Variants in C4BPA observed in about 807,000 individuals in gnomAD.
The protein encoded by C4BPA is complement component 4 binding protein alpha, also known as C4b-binding protein alpha chain.
In C4BPA, 31 loss-of-function variants were observed where a neutral mutation model predicts 63.7. The ratio of observed to expected loss-of-function variants is 0.49; its 90% CI spans 0.37 to 0.66. The LOEUF is 0.66. Ranked by LOEUF, C4BPA falls within the 30% of genes least tolerant of loss-of-function variation. The pLI is 0.00. For missense variants in C4BPA, 572 were observed against 723.3 expected, an observed-to-expected ratio of 0.79 and a Z score of 2.40; for synonymous variants, 259 against 254.7, an observed-to-expected ratio of 1.02 and a Z score of -0.16.
At chr1:207,124,627 A>G (rs138260601) in intron 6 of C4BPA, among the ~76,000 whole-genome samples, 2 of 152,280 alleles carry the variant, frequency 1.3e-5, no homozygotes, top group Non-Finnish European at 2.9e-5. Flanking sequence ...TGGTGAAGTA[A>G]AAGTTTATTC....
intron 10 of C4BPA, among the ~76,000 whole-genome samples, chr1:207,141,481 A>G (rs1231187479): frequency 1.3e-5 from 2 of 152,186 alleles, no homozygotes; most frequent in African/African-American, 4.8e-5. Flanking sequence ...CTTTCTCCCA[A>G]TCACAAAATT....
intron 2 of C4BPA, 91 bp from the exon 3 acceptor site, chr1:207,114,009 G>T: frequency 9.2e-7 from 1 of 1,087,630 alleles, no homozygotes; most frequent in South Asian, 1.6e-5. Flanking sequence ...TGAAAAGAAC[G>T]ATCCCTGCTC....
At chr1:207,112,792 G>A (rs2102330554) in intron 1 of C4BPA, 1 of 472,444 alleles carries the variant, frequency 2.1e-6, no homozygotes, top group Middle Eastern at 5.3e-4. Flanking sequence ...CCCTCCACTT[G>A]GAATCAATCT....
chr1:207,137,572 T>C (rs1335175519), intron 9 of C4BPA, among the ~76,000 whole-genome samples: 1 of 151,510 alleles, frequency 6.6e-6, no homozygotes, highest in Non-Finnish European at 1.5e-5. Context: ...TGGTTTATGA[T>C]AAGGGGTTGT....
chr1:207,105,946 T>C (rs2102325035), intron 1 of C4BPA, among the ~76,000 whole-genome samples: 1 of 152,362 alleles, frequency 6.6e-6, no homozygotes, highest in Non-Finnish European at 1.5e-5. Flanking sequence ...CCTTGAAATA[T>C]GAAAGTTGGC....
At chr1:207,138,348 T>C (rs1314087966) in intron 9 of C4BPA, among the ~76,000 whole-genome samples, 1 of 152,334 alleles carries the variant, frequency 6.6e-6, no homozygotes, top group Admixed American at 6.5e-5. Context: ...TGCCTGCTTA[T>C]AACCTGATGG....
chr1:207,136,902 C>A (rs1050723415), intron 9 of C4BPA, among the ~76,000 whole-genome samples: 2 of 152,172 alleles, frequency 1.3e-5, no homozygotes, highest in African/African-American at 4.8e-5. Context: ...TGCAGTGGAC[C>A]TGAATACTAA....
At chr1:207,133,911 A>T (rs1191983431) in intron 8 of C4BPA, among the ~76,000 whole-genome samples, 1 of 152,234 alleles carries the variant, frequency 6.6e-6, no homozygotes, top group Non-Finnish European at 1.5e-5. Flanking sequence ...AGTATAAGTT[A>T]ATAGAGAGTT....
In C4BPA at chr1:207,131,529, T is replaced by A; in HGVS notation, c.890-17T>A. The A allele has an allele frequency of 6.4e-7, 1 of 1,574,620 alleles. No homozygotes were observed. The highest frequency in any genetic ancestry group is 8.7e-7 in the Non-Finnish European group (1 of 1,147,604). ...AATAGCGTCCTTTTGTTCTTCTTCT[T>A]CTTCTTTCATGAGTAGATAGTTGTA... On this transcript the variant is annotated splice_polypyrimidine_tract_variant and intron_variant, in intron 7 of 11. Transcript: ENST00000367070.
chr1:207,133,218 GT>G (rs1406342008), intron 8 of C4BPA, among the ~76,000 whole-genome samples: 7 of 152,096 alleles, frequency 4.6e-5, no homozygotes, highest in African/African-American at 7.2e-5. Flanking sequence ...TATTATTGTT[GT>G]TTTAATATCC....
At chr1:207,117,104 A>G (rs753363191) in intron 4 of C4BPA, among the ~76,000 whole-genome samples, 21 of 152,164 alleles carry the variant, frequency 1.4e-4, no homozygotes, top group South Asian at 4.1e-4. Flanking sequence ...TTATTTTTCT[A>G]TAAGAACTTT....
At chr1:207,118,228 T>TATCTATCTATCTA (rs1684852216) in intron 4 of C4BPA, among the ~76,000 whole-genome samples, 1 of 151,472 alleles carries the variant, frequency 6.6e-6, no homozygotes, top group African/African-American at 2.4e-5. Context: ...TCTATCTATC[T>TATCTATCTATCTA]ATCTATCTAT....
At chr1:207,133,315 T>A (rs900556312) in intron 8 of C4BPA, among the ~76,000 whole-genome samples, 1 of 152,254 alleles carries the variant, frequency 6.6e-6, no homozygotes, top group African/African-American at 2.4e-5. Flanking sequence ...AAGACCCCAT[T>A]TTAATACTGG....
At chr1:207,106,546 A>C (rs1008561742) in intron 1 of C4BPA, among the ~76,000 whole-genome samples, 4 of 130,228 alleles carry the variant, frequency 3.1e-5, no homozygotes, top group Admixed American at 3.0e-4. Flanking sequence ...TTCACAGGCC[A>C]TTCTCCTGCC....
chr1:207,132,506 G>A (rs1685182945), intron 8 of C4BPA, among the ~76,000 whole-genome samples: 1 of 152,188 alleles, frequency 6.6e-6, no homozygotes. Flanking sequence ...TCTGTGAAAT[G>A]CATAAATAAT....
chr1:207,115,416 A>T lies in C4BPA; in HGVS notation c.329A>T (p.Tyr110Phe), dbSNP rs1312499377. 6 of 1,567,792 alleles carry T rather than the reference A, an allele frequency of 3.8e-6. No homozygotes were observed. The Admixed American group carries it at 1.1e-4, about 30-fold the overall frequency. ...GEWVYNTFCI[Y>F]KRCRHPGELR... is the part of the protein sequence containing the mutation. ...ATCATCATTTAAATTTTTCTCCCAG[A>T]CAAACGATGCAGACACCCAGGAGAG... The change falls in exon 4 of 12, where the codon TAC becomes TTC. Residue 110 changes from tyrosine (Y) to phenylalanine (F), a missense_variant and splice_region_variant. By Grantham distance (22) the Tyr-to-Phe change is conservative (BLOSUM62 3). This residue lies in a region of C4BPA where 465 missense variants were observed against 629.4 expected (regional missense o/e 0.74). Coordinates refer to ENST00000367070, the MANE Select transcript of C4BPA (RefSeq NM_000715.4).
At chr1:207,116,054 C>G (rs190751097) in intron 4 of C4BPA, among the ~76,000 whole-genome samples, 1 of 152,128 alleles carries the variant, frequency 6.6e-6, no homozygotes, top group South Asian at 2.1e-4. Context: ...CTAGAGGAGG[C>G]CTTTCTGGCT....
chr1:207,124,191 T>C lies in C4BPA; in HGVS notation c.531T>C (p.Pro177=). ...TTACCTCAGTTGTCAAGTGTAAGCCTCCTCCAGACATCAGGAATGGAAGGC... is the reference window on the plus strand; with the variant it reads ...TTACCTCAGTTGTCAAGTGTAAGCCCCCTCCAGACATCAGGAATGGAAGGC... The part of the protein sequence containing the change: ...LPQCEIVKCK[P]PPDIRNGRHS... Residue 177 remains proline (P), a synonymous_variant, in exon 6 of 12, where the codon CCT becomes CCC. Coordinates refer to ENST00000367070, the MANE Select transcript of C4BPA (RefSeq NM_000715.4). 6.2e-7 allele frequency: 1 copy of C among 1,613,714 alleles called. No individual in the cohort carries two copies. Among genetic ancestry groups the C allele is most frequent in the Non-Finnish European group, 8.5e-7 (1 of 1,179,726 alleles).
At chr1:207,105,196 G>A (rs1684533273) in intron 1 of C4BPA, among the ~76,000 whole-genome samples, 2 of 152,320 alleles carry the variant, frequency 1.3e-5, no homozygotes, top group South Asian at 4.1e-4. Flanking sequence ...CATCAAAGAA[G>A]GTTGGCATTA....
Sources: gnomAD v4.1 joint callset for allele counts (sites outside exome capture counted in the v4.1 genomes callset) on GRCh38, gnomAD v4.1.1 for gene constraint, gnomAD v4.1.1 regional missense constraint, MANE v1.5 for transcripts, NCBI Gene and HGNC (gene_info 2026-07-23, HGNC 2026-07-21) for gene names.